Variants in RAP1GAP observed in about 807,000 individuals in gnomAD.
RAP1GAP encodes RAP1 GTPase activating protein.
In RAP1GAP, 35 loss-of-function variants were observed where a neutral mutation model predicts 87.2. That is an observed-to-expected ratio of 0.40 (90% CI 0.31 to 0.53). The LOEUF is 0.53. Among genes scored for constraint, RAP1GAP ranks in the 20% least tolerant of loss-of-function variants. RAP1GAP has a pLI of 0.48. For synonymous variants in RAP1GAP, 375 were observed against 363.9 expected (o/e 1.03, Z -0.35); for missense variants, 734 against 898.9 (o/e 0.82, Z 2.35).
At chr1:21,598,611 A>C in intron 21 of RAP1GAP, 109 bp from the exon 22 acceptor site, 1 of 916,036 alleles carries the variant, frequency 1.1e-6, no homozygotes, top group Admixed American at 2.1e-5. Flanking sequence ...CCCCACCCGT[A>C]CCCTCTGCGA....
At chr1:21,652,778 G>A (rs1052954625) in intron 1 of RAP1GAP, among the ~76,000 whole-genome samples, 1 of 152,268 alleles carries the variant, frequency 6.6e-6, no homozygotes, top group African/African-American at 2.4e-5. Flanking sequence ...CCCAAGTGGA[G>A]CTGTGTCAGC....
At chr1:21,649,189 C>T (rs976921509) in intron 2 of RAP1GAP, among the ~76,000 whole-genome samples, 6 of 152,174 alleles carry the variant, frequency 3.9e-5, no homozygotes, top group Non-Finnish European at 8.8e-5. Flanking sequence ...AGAAGCTGCA[C>T]ATACAGTTGC....
rs72876087 is a variant in RAP1GAP, at chr1:21,658,779, T to C, written c.-148-8983A>G. 2.5e-3 allele frequency among the ~76,000 whole-genome samples: 381 copies of C among 151,952 alleles called. 1 individual carries two copies. The highest frequency in any genetic ancestry group is 8.7e-3 in the African/African-American group (362 of 41,408). The stretch of plus-strand genomic sequence containing the variant: ...TTTTTAATAAATAGGTGCCCAAGGC[T>C]GGTTACTTCTTTGGCTCTTGTGGTG... On this transcript the variant is annotated intron_variant, in intron 1 of 24. Transcript: ENST00000374765.
At position 21,619,031 on chromosome 1, in the gene RAP1GAP, G is replaced by A; in HGVS notation, c.60C>T (p.Pro20=). 6.3e-7 allele frequency: 1 copy of A among 1,599,986 alleles called. No homozygotes were observed. The highest frequency in any genetic ancestry group is 8.5e-7 in the Non-Finnish European group (1 of 1,172,418). Residue 20 remains proline, a synonymous_variant, in exon 5 of 25, where the codon CCC becomes CCT. Transcript: ENST00000374765. The part of the protein sequence containing the change: ...MDEQRCSFPP[P]LKTEEDYIPY... ...GACTGCCAGGCCCACCTACTTTGAGGGGCGGCGGGAAGGAGCAGCGTTGTT... is the reference window on the plus strand; with the variant it reads ...GACTGCCAGGCCCACCTACTTTGAGAGGCGGCGGGAAGGAGCAGCGTTGTT...
At chr1:21,644,924 A>AAAT (rs2095885548) in intron 2 of RAP1GAP, among the ~76,000 whole-genome samples, 1 of 147,442 alleles carries the variant, frequency 6.8e-6, no homozygotes. Context: ...AAAAAAAGAG[A>AAAT]AAAGAAAGAA....
intron 1 of RAP1GAP, among the ~76,000 whole-genome samples, chr1:21,652,533 C>G (rs146373615): frequency 6.6e-6 from 1 of 152,074 alleles, no homozygotes; most frequent in Non-Finnish European, 1.5e-5. Context: ...CCAGGAGTCC[C>G]CTTCCCCTTT....
intron 6 of RAP1GAP, 148 bp from the exon 7 acceptor site, chr1:21,617,639 G>A: frequency 9.7e-7 from 1 of 1,031,182 alleles, no homozygotes; most frequent in Non-Finnish European, 1.4e-6. Flanking sequence ...CCAGGGTTCT[G>A]CTCCAGCCCT....
intron 1 of RAP1GAP, among the ~76,000 whole-genome samples, chr1:21,656,237 C>T (rs2096852969): frequency 6.6e-6 from 1 of 151,944 alleles, no homozygotes. Flanking sequence ...TCGAGATCAG[C>T]CTGATCAACA....
At chr1:21,599,693 C>T (rs949028510) in intron 20 of RAP1GAP, 76 bp from the exon 21 acceptor site, 1 of 1,536,364 alleles carries the variant, frequency 6.5e-7, no homozygotes, top group Non-Finnish European at 8.7e-7. Flanking sequence ...CCCTTGCCCT[C>T]CCCAACCCGG....
At position 21,598,055 on chromosome 1, in the gene RAP1GAP, C is replaced by A; in HGVS notation, c.1889G>T (p.Arg630Leu). ...CTTGCCGGCGTCTGGGTGGGGTGAT[C>A]GAGAGGGGCCTGGGGAGGGGGGCAG... ...TSGGSSPGPS[R>L]SPHPDAGKLG... The change falls in exon 23 of 25, where the codon CGA becomes CTA. Residue 630 changes from arginine (R) to leucine (L), a missense_variant. Arg to Leu is a moderately radical substitution (Grantham distance 102). This residue lies in a region of RAP1GAP where 249 missense variants were observed against 252.7 expected (regional missense o/e 0.99). Transcript: ENST00000374765. The A allele has an allele frequency of 1.3e-6, 2 of 1,538,926 alleles. No homozygotes were observed. Among genetic ancestry groups the A allele is most frequent in the East Asian group, 2.3e-5 (1 of 42,938 alleles).
chr1:21,597,785 G>T (rs1645965997), intron 23 of RAP1GAP, 57 bp from the exon 24 acceptor site: 2 of 1,594,734 alleles, frequency 1.3e-6, no homozygotes, highest in East Asian at 2.2e-5. Context: ...CAACGGGGCG[G>T]GAGACACAGG....
At position 21,614,232 on chromosome 1, in the gene RAP1GAP, A is replaced by T. The variant is rs1225085532; in HGVS notation, c.292-143T>A. ...CGGCTGATAGCAGACCCCACATCAG[A>T]CAGACCTGCACTCAAAGCCCCACTC... is the stretch of plus-strand genomic sequence containing the variant. On this transcript the variant is annotated intron_variant, in intron 7 of 24. Coordinates refer to ENST00000374765, the MANE Select transcript of RAP1GAP (RefSeq NM_002885.4). 21 of 594,450 alleles carry T rather than the reference A, an allele frequency of 3.5e-5. No individual in the cohort carries two copies. The East Asian group carries it at 6.0e-4, about 17-fold the overall frequency. The allele number at this position is 594,450 out of a possible 1,614,324, so 36.8% of individuals were successfully genotyped here.
intron 1 of RAP1GAP, among the ~76,000 whole-genome samples, chr1:21,660,339 C>CTATTTATATATATATA (rs563814821): frequency 1.7e-4 from 9 of 52,852 alleles, no homozygotes; most frequent in South Asian, 6.5e-4. Context: ...TCCAACTCAG[C>CTATTTATATATATATA]TATATATATT....
At chr1:21,651,320 A>G in intron 1 of RAP1GAP, 1 of 434,714 alleles carries the variant, frequency 2.3e-6, no homozygotes, top group South Asian at 1.7e-5. Context: ...TGAGGGGCCC[A>G]ACAGCTGCAG....
chr1:21,610,634 G>A (rs1414831462), intron 13 of RAP1GAP, among the ~76,000 whole-genome samples: 1 of 152,134 alleles, frequency 6.6e-6, no homozygotes, highest in Non-Finnish European at 1.5e-5. Flanking sequence ...AAGGCCGAGA[G>A]AAGTGACTTG....
Position 21,603,635 on chromosome 1 carries a change from G to A in RAP1GAP, c.1429-722C>T. ...GCAGGGCCAGAAGCCCCTGGTGAGG[G>A]GCACTGGCTCTGGCACAGGTACCAG... On this transcript the variant is annotated intron_variant, in intron 18 of 24. Transcript: ENST00000374765. The surrounding 1 kb of genome is among the most constrained non-coding windows in gnomAD (Gnocchi z 6.0). The A allele has an allele frequency of 2.7e-6, 2 of 750,906 alleles. No individual in the cohort carries two copies. The highest frequency in any genetic ancestry group is 4.8e-6 in the Non-Finnish European group (2 of 413,490). The allele number at this position is 750,906 out of a possible 1,614,324, so 46.5% of individuals were successfully genotyped here.
chr1:21,610,261 C>G lies in RAP1GAP; in HGVS notation c.858G>C (p.Arg286=). ...EGDAQQLQRK[R]HIGNDIVAVV... ...CAGCCACGATGTCGTTCCCGATGTG[C>G]CGCTTCCGCTGCAACTGAGCACAAA... Residue 286 remains arginine (R), a synonymous_variant, in exon 14 of 25, where the codon CGG becomes CGC. Coordinates refer to ENST00000374765, the MANE Select transcript of RAP1GAP (RefSeq NM_002885.4). The G allele has an allele frequency of 6.2e-7, 1 of 1,614,106 alleles. No individual in the cohort carries two copies. The highest frequency in any genetic ancestry group is 8.5e-7 in the Non-Finnish European group (1 of 1,180,022).
chr1:21,647,295 T>A (rs1184187974), intron 2 of RAP1GAP, among the ~76,000 whole-genome samples: 1 of 152,116 alleles, frequency 6.6e-6, no homozygotes, highest in Non-Finnish European at 1.5e-5. Flanking sequence ...ACCTTGTCTC[T>A]ACTAAAAATA....
rs192115270 is a variant in RAP1GAP at position 21,631,950 on chromosome 1, G to A, written c.-112-5553C>T. On this transcript the variant is annotated intron_variant, in intron 2 of 24. Coordinates refer to ENST00000374765, the MANE Select transcript of RAP1GAP (RefSeq NM_002885.4). ...CACGGCCCTGGCTCCTGCAGCCACC[G>A]CCAAGCGCCTTCCCTAGGCCCAGCT... Among the ~76,000 whole-genome samples the A allele has an allele frequency of 5.7e-4, 87 of 152,254 alleles. 1 individual carries two copies. Among genetic ancestry groups the A allele is most frequent in the Admixed American group, 5.3e-3 (81 of 15,296 alleles).
Sources: gnomAD v4.1 joint callset for allele counts (sites outside exome capture counted in the v4.1 genomes callset) on GRCh38, gnomAD v4.1.1 for gene constraint, gnomAD v4.1.1 regional missense constraint, Gnocchi (gnomAD v3.1) non-coding constraint, MANE v1.5 for transcripts, NCBI Gene and HGNC (gene_info 2026-07-23, HGNC 2026-07-21) for gene names.